TRAPPC8: variants seen among roughly 807,000 people sequenced by gnomAD.
TRAPPC8 encodes the protein trafficking protein particle complex subunit 8, also known as general sporulation gene 1 homolog.
Under a neutral mutation model 174.3 loss-of-function variants are expected in TRAPPC8, and 54 were observed. The ratio of observed to expected loss-of-function variants is 0.31; its 90% CI spans 0.25 to 0.39. The LOEUF is 0.39. Among genes scored for constraint, TRAPPC8 ranks in the 10% least tolerant of loss-of-function variants. TRAPPC8 has a pLI of 1.00. For synonymous variants in TRAPPC8, 630 were observed against 579.9 expected (o/e 1.09, Z -1.24); for missense variants, 1,531 against 1,699.1 (o/e 0.90, Z 1.74).
chr18:31,880,559 T>C (rs916342016), intron 12 of TRAPPC8, among the ~76,000 whole-genome samples: 8 of 151,950 alleles, frequency 5.3e-5, no homozygotes, highest in African/African-American at 1.7e-4. Flanking sequence ...TGGGGAAAAG[T>C]TGAAAGCATT....
intron 11 of TRAPPC8, among the ~76,000 whole-genome samples, chr18:31,892,323 T>A (rs539093955): frequency 2.0e-4 from 31 of 152,312 alleles, no homozygotes; most frequent in Non-Finnish European, 3.8e-4. Flanking sequence ...TACACATATA[T>A]TTTGATACGT....
chr18:31,871,108 GCTT>G lies in TRAPPC8; in HGVS notation c.2072_2074del (p.Gln691_Ala692delinsPro). 2 of 1,542,008 alleles carry G rather than the reference GCTT, an allele frequency of 1.3e-6. No homozygotes were observed. On this transcript the variant is annotated inframe_deletion, in exon 15 of 29. Transcript: ENST00000283351. ...TTGATCAAGACTTACATGAGTAGCT[GCTT>G]GTTTTTCACCTAAAAAAAATTTGTT... is the stretch of plus-strand genomic sequence containing the variant.
chr18:31,868,037 T>C (rs904510891), intron 16 of TRAPPC8, among the ~76,000 whole-genome samples: 2 of 152,156 alleles, frequency 1.3e-5, no homozygotes, highest in African/African-American at 4.8e-5. Flanking sequence ...TTTTTCAAAA[T>C]TGGTCAATTA....
intron 14 of TRAPPC8, among the ~76,000 whole-genome samples, chr18:31,871,658 T>G (rs1299643183): frequency 6.6e-6 from 1 of 152,186 alleles, no homozygotes; most frequent in Admixed American, 6.5e-5. Flanking sequence ...AATTAGTTTT[T>G]ATGTTTGAAA....
At chr18:31,850,054 G>A (rs1040745999) in intron 24 of TRAPPC8, among the ~76,000 whole-genome samples, 1 of 151,908 alleles carries the variant, frequency 6.6e-6, no homozygotes. Flanking sequence ...CTGGGCCCAA[G>A]CAATGTTCCC....
intron 2 of TRAPPC8, among the ~76,000 whole-genome samples, chr18:31,919,886 TAA>T (rs2037311888): frequency 6.6e-6 from 1 of 151,382 alleles, no homozygotes; most frequent in Non-Finnish European, 1.5e-5. Flanking sequence ...AAAATAAAAA[TAA>T]AAGAGGAAAA....
intron 12 of TRAPPC8, among the ~76,000 whole-genome samples, chr18:31,879,060 C>G (rs1217853514): frequency 6.6e-6 from 1 of 152,152 alleles, no homozygotes; most frequent in Non-Finnish European, 1.5e-5. Context: ...CAACACTAGA[C>G]AGATCATCGA....
rs1022477832 is a variant in TRAPPC8 at position 31,942,797 on chromosome 18, T to C, written c.-33A>G. ...GCACAGGCAGCGGCGGCGCCCGCCC[T>C]CCGGCCCACCCTGCGAGGTTATCCT... On this transcript the variant is annotated 5_prime_UTR_variant, in exon 1 of 29. Coordinates refer to ENST00000283351, the MANE Select transcript of TRAPPC8 (RefSeq NM_014939.5). The C allele has an allele frequency of 1.5e-6, 2 of 1,364,156 alleles. No individual in the cohort carries two copies. The highest frequency in any genetic ancestry group is 3.5e-5 in the South Asian group (2 of 56,780). 84.5% of individuals were successfully genotyped at this position (1,364,156 alleles called of 1,614,324 possible). A position where few individuals can be genotyped will look rare whatever the true frequency, so the allele number is the denominator to read the frequency against.
intron 10 of TRAPPC8, among the ~76,000 whole-genome samples, chr18:31,899,379 T>C (rs2036314679): frequency 6.6e-6 from 1 of 152,132 alleles, no homozygotes; most frequent in Admixed American, 6.5e-5. Flanking sequence ...TGGCGAATGC[T>C]GAACACTCAA....
chr18:31,907,183 A>G (rs975654437), intron 9 of TRAPPC8, among the ~76,000 whole-genome samples: 1 of 152,130 alleles, frequency 6.6e-6, no homozygotes, highest in Non-Finnish European at 1.5e-5. Context: ...CAATCTTACT[A>G]TGTTGCTCAG....
chr18:31,926,819 A>G (rs2037634944), intron 2 of TRAPPC8, among the ~76,000 whole-genome samples: 1 of 152,234 alleles, frequency 6.6e-6, no homozygotes, highest in Non-Finnish European at 1.5e-5. Context: ...AATGACATTT[A>G]GTCATATTAT....
In TRAPPC8 at chr18:31,900,907, T is replaced by C. The variant is rs1165645146; in HGVS notation, c.1490+18A>G. On this transcript the variant is annotated intron_variant, in intron 10 of 28. Transcript: ENST00000283351. ...GACCTTTAACTGGATACAATATAAA[T>C]CTTATATAGTCACCTACTTGCAGAT... The C allele has an allele frequency of 1.3e-6, 2 of 1,511,344 alleles. No homozygotes were observed. Among genetic ancestry groups the C allele is most frequent in the East Asian group, 4.6e-5 (2 of 43,252 alleles). The allele number at this position is 1,511,344 out of a possible 1,614,324, so 93.6% of individuals were successfully genotyped here. A position where few individuals can be genotyped will look rare whatever the true frequency, so the allele number is the denominator to read the frequency against.
At chr18:31,908,703 T>G (rs1461398947) in intron 7 of TRAPPC8, 51 bp downstream of exon 7, 1 of 1,440,630 alleles carries the variant, frequency 6.9e-7, no homozygotes, top group Admixed American at 2.5e-5. Context: ...ATTCTTAAAT[T>G]TACTATTTAC....
At chr18:31,878,035 G>A (rs2035249843) in intron 12 of TRAPPC8, among the ~76,000 whole-genome samples, 1 of 152,112 alleles carries the variant, frequency 6.6e-6, no homozygotes, top group African/African-American at 2.4e-5. Context: ...TGGACAAGCT[G>A]CAAAGCTGTT....
intron 6 of TRAPPC8, chr18:31,909,462 T>C (rs958129749): frequency 1.1e-5 from 7 of 618,950 alleles, no homozygotes; most frequent in Non-Finnish European, 1.4e-5. Flanking sequence ...AAGAAATCTA[T>C]ACACTACTCA....
In TRAPPC8 at chr18:31,864,612, T is replaced by C. The variant is rs368679469; in HGVS notation, c.2745+15A>G. On this transcript the variant is annotated intron_variant, in intron 19 of 28. Coordinates refer to ENST00000283351, the MANE Select transcript of TRAPPC8 (RefSeq NM_014939.5). Reference sequence around the variant, plus strand: ...TAGATAAATTAAGTCCATGAAATTTTAAAAAGTGAAATACCTCCAACAGTG... The same window carrying C: ...TAGATAAATTAAGTCCATGAAATTTCAAAAAGTGAAATACCTCCAACAGTG... 6.2e-7 allele frequency: 1 copy of C among 1,603,782 alleles called. No individual in the cohort carries two copies. The highest frequency in any genetic ancestry group is 8.5e-7 in the Non-Finnish European group (1 of 1,177,436).
At chr18:31,894,640 T>C (rs1336814261) in intron 11 of TRAPPC8, among the ~76,000 whole-genome samples, 1 of 152,072 alleles carries the variant, frequency 6.6e-6, no homozygotes, top group East Asian at 1.9e-4. Context: ...AATTAACATT[T>C]CAATAAAAAC....
chr18:31,890,483 A>C (rs1370966760), intron 12 of TRAPPC8, among the ~76,000 whole-genome samples: 2 of 152,266 alleles, frequency 1.3e-5, no homozygotes, highest in African/African-American at 4.8e-5. Flanking sequence ...ACCTAACCAA[A>C]ATTTGGATAA....
rs201322425 is a variant in TRAPPC8 at position 31,890,906 on chromosome 18, A to C, written c.1597-40T>G. 3.0e-4 allele frequency: 465 copies of C among 1,560,056 alleles called. 9 individuals carry two copies. In the South Asian group the frequency reaches 5.4e-3, roughly 18 times the overall value. ...AAAGAGAAAAAGGTTAGTTTCACCAAGTTAAAAGTAAATAGATAACTAGTG... is the reference window on the plus strand; with the variant it reads ...AAAGAGAAAAAGGTTAGTTTCACCACGTTAAAAGTAAATAGATAACTAGTG... On this transcript the variant is annotated intron_variant, in intron 11 of 28. Coordinates refer to ENST00000283351, the MANE Select transcript of TRAPPC8 (RefSeq NM_014939.5).
Sources: gnomAD v4.1 joint callset for allele counts (sites outside exome capture counted in the v4.1 genomes callset) on GRCh38, gnomAD v4.1.1 for gene constraint, MANE v1.5 for transcripts, NCBI Gene and HGNC (gene_info 2026-07-23, HGNC 2026-07-21) for gene names.